The following RHPN2 variants were observed in gnomAD, a reference collection of about 807,000 sequenced individuals.
The protein encoded by RHPN2 is rhophilin Rho GTPase binding protein 2, also known as rhophilin-2.
In RHPN2, 40 loss-of-function variants were observed where a neutral mutation model predicts 79.0. The observed-to-expected ratio is 0.51, with a 90% CI of 0.39 to 0.66. RHPN2 has a LOEUF of 0.66. Among genes scored for constraint, RHPN2 ranks in the 30% least tolerant of loss-of-function variants. The pLI is 0.00. For missense variants in RHPN2, 686 were observed against 883.5 expected, an observed-to-expected ratio of 0.78 and a Z score of 2.83; for synonymous variants, 285 against 363.5, an observed-to-expected ratio of 0.78 and a Z score of 2.46.
intron 1 of RHPN2, among the ~76,000 whole-genome samples, chr19:33,052,429 G>A (rs1972196548): frequency 2.0e-5 from 3 of 152,212 alleles, no homozygotes; most frequent in Admixed American, 2.0e-4. Flanking sequence ...CCCAGCCAGA[G>A]AGACCTTCCC....
At chr19:33,024,252 T>C (rs1817890937) in intron 3 of RHPN2, among the ~76,000 whole-genome samples, 1 of 151,868 alleles carries the variant, frequency 6.6e-6, no homozygotes, top group Admixed American at 6.6e-5. Context: ...GCCAACATGG[T>C]GAAACCCCGT....
At chr19:33,064,464 G>T (rs1176300318) in intron 1 of RHPN2, among the ~76,000 whole-genome samples, 7 of 143,872 alleles carry the variant, frequency 4.9e-5, no homozygotes, top group Admixed American at 1.4e-4. Context: ...ACCAGGGATC[G>T]CAAGCGAGGG....
chr19:33,041,411 T>G (rs1972099578), intron 2 of RHPN2, among the ~76,000 whole-genome samples: 1 of 152,218 alleles, frequency 6.6e-6, no homozygotes, highest in Non-Finnish European at 1.5e-5. Flanking sequence ...CCGTTGGTGC[T>G]TGTTGAGTCA....
intron 10 of RHPN2, among the ~76,000 whole-genome samples, chr19:32,997,758 T>C (rs1293101622): frequency 6.6e-6 from 1 of 152,208 alleles, no homozygotes; most frequent in Non-Finnish European, 1.5e-5. Context: ...CCCAAAGTGC[T>C]GGGATTGCAG....
intron 7 of RHPN2, among the ~76,000 whole-genome samples, chr19:33,005,868 C>T (rs1293100640): frequency 5.3e-5 from 8 of 152,050 alleles, no homozygotes; most frequent in East Asian, 3.8e-4. Flanking sequence ...CGCTTCATCC[C>T]GATAGACCAA....
rs1332085692 is a variant in RHPN2, at chr19:32,991,962, A to G, written c.1505T>C (p.Leu502Ser). The change falls in exon 13 of 15, where the codon TTA becomes TCA. Residue 502 changes from leucine to serine, a missense_variant. Physicochemically the swap from Leu to Ser is moderately radical, Grantham distance 145. Coordinates refer to ENST00000254260, the MANE Select transcript of RHPN2 (RefSeq NM_033103.5). ...VTDFFQKLGP[L>S]SVFSANKRWT... ...CCGCTTGTTAGCCGAAAACACAGAT[A>G]AGGGGCCCTTTGGAAGAGAGCATCG... 6.2e-7 allele frequency: 1 copy of G among 1,613,888 alleles called. No individual in the cohort carries two copies. The highest frequency in any genetic ancestry group is 8.5e-7 in the Non-Finnish European group (1 of 1,179,800).
At chr19:33,003,136 A>C in intron 7 of RHPN2, 136 bp from the exon 8 acceptor site, 1 of 747,470 alleles carries the variant, frequency 1.3e-6, no homozygotes, top group Non-Finnish European at 2.3e-6. Flanking sequence ...AAGTGAGCAG[A>C]TCACTTGTAT....
intron 1 of RHPN2, among the ~76,000 whole-genome samples, chr19:33,052,431 G>T (rs10425586): frequency 0.36 from 55,401 of 152,092 alleles, 12,747 homozygotes; most frequent in African/African-American, 0.61. Context: ...CAGCCAGAGA[G>T]ACCTTCCCAC....
chr19:33,009,320 G>C (rs567061765), intron 6 of RHPN2, among the ~76,000 whole-genome samples: 1 of 152,164 alleles, frequency 6.6e-6, no homozygotes, highest in Non-Finnish European at 1.5e-5. Context: ...GCTGGGAGCG[G>C]TGGCTCATGC....
At position 33,027,005 on chromosome 19, in the gene RHPN2, C is replaced by T. The variant is rs906029281; in HGVS notation, c.186-373G>A. The stretch of plus-strand genomic sequence containing the variant: ...GGCATGGTGGCTTACGTCTGTAATC[C>T]CAGCACTCTGGGAGGCCGAGGCAGG... On this transcript the variant is annotated intron_variant, in intron 2 of 14. Coordinates refer to ENST00000254260, the MANE Select transcript of RHPN2 (RefSeq NM_033103.5). 11 of 334,116 alleles carry T rather than the reference C, an allele frequency of 3.3e-5. No homozygotes were observed. The Admixed American group carries it at 4.3e-4, about 13-fold the overall frequency. 20.7% of individuals were successfully genotyped at this position (334,116 alleles called of 1,614,324 possible). A position where few individuals can be genotyped will look rare whatever the true frequency, so the allele number is the denominator to read the frequency against.
intron 14 of RHPN2, among the ~76,000 whole-genome samples, chr19:32,983,955 A>G (rs1568308014): frequency 6.6e-6 from 1 of 152,132 alleles, no homozygotes; most frequent in Non-Finnish European, 1.5e-5. Context: ...CCCACCACCC[A>G]TTCCTCACTC....
At chr19:33,056,953 C>CAAAAA (rs754855820) in intron 1 of RHPN2, among the ~76,000 whole-genome samples, 1 of 114,418 alleles carries the variant, frequency 8.7e-6, no homozygotes, top group African/African-American at 3.1e-5. Context: ...AATAAAAATA[C>CAAAAA]AAAAAAAAAA....
At chr19:33,000,675 G>A (rs1971742332) in intron 9 of RHPN2, among the ~76,000 whole-genome samples, 1 of 152,120 alleles carries the variant, frequency 6.6e-6, no homozygotes, top group South Asian at 2.1e-4. Context: ...CACACCCTTC[G>A]TGGCGCGCAT....
At position 33,021,568 on chromosome 19, in the gene RHPN2, T is replaced by G. The variant is rs764893607; in HGVS notation, c.390+3A>C. On this transcript the variant is annotated splice_donor_region_variant and intron_variant, in intron 4 of 14. Transcript: ENST00000254260. Reference sequence around the variant, plus strand: ...GTCTGGTGCCCATGGCTTTGAGATTTACCTTGAGGACGACTGCAAAGTCGA... The same window carrying G: ...GTCTGGTGCCCATGGCTTTGAGATTGACCTTGAGGACGACTGCAAAGTCGA... 6.2e-7 allele frequency: 1 copy of G among 1,612,942 alleles called. No homozygotes were observed. Among genetic ancestry groups the G allele is most frequent in the South Asian group, 1.1e-5 (1 of 91,064 alleles).
At chr19:33,004,366 G>A (rs573405532) in intron 7 of RHPN2, among the ~76,000 whole-genome samples, 10 of 152,190 alleles carry the variant, frequency 6.6e-5, no homozygotes, top group African/African-American at 2.4e-4. Context: ...AACTTCTGGA[G>A]ATGTTTAGTG....
At chr19:32,996,701 TA>T (rs1599810437) in intron 10 of RHPN2, among the ~76,000 whole-genome samples, 2 of 151,990 alleles carry the variant, frequency 1.3e-5, no homozygotes, top group Admixed American at 6.6e-5. Context: ...TTGCTTCAGT[TA>T]AACCCCCCTC....
intron 4 of RHPN2, among the ~76,000 whole-genome samples, chr19:33,016,772 T>A (rs1410390180): frequency 6.6e-6 from 1 of 152,228 alleles, no homozygotes; most frequent in East Asian, 1.9e-4. Context: ...CAAGTCAGAT[T>A]TGAAATGGAA....
chr19:32,979,830 T>C lies in RHPN2; in HGVS notation c.*166A>G. 1 of 819,758 alleles carries C rather than the reference T, an allele frequency of 1.2e-6. No individual in the cohort carries two copies. Among genetic ancestry groups the C allele is most frequent in the East Asian group, 2.7e-5 (1 of 37,614 alleles). 50.8% of individuals were successfully genotyped at this position (819,758 alleles called of 1,614,324 possible). ...TTCTTTTTTCACTAATTCCTAGAGG[T>C]TTCTTGGTTACTTTCCTTCATAAAA... On this transcript the variant is annotated 3_prime_UTR_variant, in exon 15 of 15. Coordinates refer to ENST00000254260, the MANE Select transcript of RHPN2 (RefSeq NM_033103.5).
chr19:33,043,734 GGTAA>G (rs1213306987), intron 2 of RHPN2, among the ~76,000 whole-genome samples: 3 of 152,102 alleles, frequency 2.0e-5, no homozygotes, highest in Non-Finnish European at 4.4e-5. Flanking sequence ...TTCTATGCTG[GGTAA>G]GTAACTGTTT....
Sources: gnomAD v4.1 joint callset for allele counts (sites outside exome capture counted in the v4.1 genomes callset) on GRCh38, gnomAD v4.1.1 for gene constraint, MANE v1.5 for transcripts, NCBI Gene and HGNC (gene_info 2026-07-23, HGNC 2026-07-21) for gene names.